DNHD1: variants seen among roughly 807,000 people sequenced by gnomAD.
The protein encoded by DNHD1 is dynein heavy chain domain-containing protein 1.
DNHD1 carries 383 observed loss-of-function variants against 458.1 expected under a neutral mutation model. The ratio of observed to expected loss-of-function variants is 0.84; its 90% CI spans 0.77 to 0.91. The LOEUF (loss-of-function observed/expected upper bound fraction) is 0.91. DNHD1 is among the 40% of genes least tolerant of loss of function. The probability of loss-of-function intolerance (pLI) is 0.00; values close to 1 mark genes in which losing one functional copy is unlikely to be tolerated. For synonymous variants in DNHD1, 2,203 were observed against 2,376.9 expected, an observed-to-expected ratio of 0.93 and a Z score of 2.13; for missense variants, 5,336 against 5,866.1, an observed-to-expected ratio of 0.91 and a Z score of 2.95.
intron 7 of DNHD1, among the ~76,000 whole-genome samples, chr11:6,514,670 AGATT>A (rs1198976416): frequency 6.6e-6 from 1 of 152,082 alleles, no homozygotes; most frequent in Non-Finnish European, 1.5e-5. Flanking sequence ...CCCTTTATAT[AGATT>A]GTTATTTTTC....
Position 6,567,833 on chromosome 11 carries a change from C to G in DNHD1, c.12324C>G (p.Ile4108Met), listed in dbSNP as rs2134462076. ...PSATLHPLTV[I>M]QKLAAKYQQG... is the part of the protein sequence containing the mutation. ...CCACTCTGCATCCTCTGACTGTCATCCAGAAACTGGCTGCCAAGTATCAGC... is the reference window on the plus strand; with the variant it reads ...CCACTCTGCATCCTCTGACTGTCATGCAGAAACTGGCTGCCAAGTATCAGC... The change falls in exon 36 of 43, where the codon ATC becomes ATG. Residue 4108 changes from isoleucine (I) to methionine (M), a missense_variant. Physicochemically the swap from Ile to Met is conservative, Grantham distance 10 (BLOSUM62 1). Around this residue, in one of 4 missense-constraint regions of DNHD1, gnomAD observed 695 missense variants for 804.2 expected, o/e 0.86. Coordinates refer to ENST00000254579, the MANE Select transcript of DNHD1 (RefSeq NM_144666.3). 1.2e-6 allele frequency: 2 copies of G among 1,612,596 alleles called. No homozygotes were observed. Among genetic ancestry groups the G allele is most frequent in the East Asian group, 4.5e-5 (2 of 44,888 alleles).
intron 4 of DNHD1, among the ~76,000 whole-genome samples, chr11:6,506,527 G>C (rs1204025902): frequency 1.3e-5 from 2 of 152,010 alleles, no homozygotes; most frequent in Admixed American, 1.3e-4. Flanking sequence ...TTCACTTGCT[G>C]TTTCATTATA....
Position 6,546,163 on chromosome 11 carries a change from C to T in DNHD1, c.5224C>T (p.His1742Tyr). 4 of 1,551,056 alleles carry T rather than the reference C, an allele frequency of 2.6e-6. No individual in the cohort carries two copies. Among genetic ancestry groups the T allele is most frequent in the Non-Finnish European group, 3.5e-6 (4 of 1,146,490 alleles). The change falls in exon 21 of 43, where the codon CAT becomes TAT. Residue 1742 changes from histidine to tyrosine, a missense_variant. Physicochemically the swap from His to Tyr is moderately conservative, Grantham distance 83. Transcript: ENST00000254579. ...GGAWLLLEKVHQLPPGLLSAL... is the reference protein window; with the variant it reads ...GGAWLLLEKVYQLPPGLLSAL... ...TGCCTGGCTGCTGTTGGAGAAAGTTCATCAGCTGCCCCCTGGCTTGCTCTC... is the reference window on the plus strand; with the variant it reads ...TGCCTGGCTGCTGTTGGAGAAAGTTTATCAGCTGCCCCCTGGCTTGCTCTC...
Position 6,556,796 on chromosome 11 carries a change from C to CT in DNHD1, c.7503dup (p.Ala2502CysfsTer10). 1 of 1,551,676 alleles carries CT rather than the reference C, an allele frequency of 6.4e-7. No homozygotes were observed. The highest frequency in any genetic ancestry group is 8.7e-7 in the Non-Finnish European group (1 of 1,146,946). On this transcript the variant is annotated frameshift_variant, in exon 25 of 43. Transcript: ENST00000254579. LOFTEE classifies it high-confidence loss of function. ...GACGCTGCAGCCTACAGTCAACTTC[C>CT]TTGCCACTGTCACAGTGCCAGGATA...
At chr11:6,530,509 C>A (rs1427183546) in intron 12 of DNHD1, among the ~76,000 whole-genome samples, 1 of 152,230 alleles carries the variant, frequency 6.6e-6, no homozygotes, top group African/African-American at 2.4e-5. Context: ...TCTTTCCTCA[C>A]CTAGCCTCAA....
intron 7 of DNHD1, among the ~76,000 whole-genome samples, chr11:6,516,877 A>G (rs1386813151): frequency 6.6e-6 from 1 of 151,994 alleles, no homozygotes; most frequent in African/African-American, 2.4e-5. Context: ...TATTCTTCCC[A>G]TTACTCTTAT....
rs748973316 is a variant in DNHD1, at chr11:6,570,869, C to T, written c.13357C>T (p.Leu4453=). The T allele has an allele frequency of 6.2e-7, 1 of 1,613,934 alleles. No individual in the cohort carries two copies. The highest frequency in any genetic ancestry group is 8.5e-7 in the Non-Finnish European group (1 of 1,179,900). Reference sequence around the variant, plus strand: ...GCAAGTCAACCGGAGGCTGGAGTCACTGCAGGATCTGCTGACCCACGTGAT... The same window carrying T: ...GCAAGTCAACCGGAGGCTGGAGTCATTGCAGGATCTGCTGACCCACGTGAT... ...LVQVNRRLES[L]QDLLTHVIRQ... is the part of the protein sequence containing the mutation. Residue 4453 remains leucine (L), a synonymous_variant, in exon 42 of 43, where the codon CTG becomes TTG. Coordinates refer to ENST00000254579, the MANE Select transcript of DNHD1 (RefSeq NM_144666.3).
Position 6,552,251 on chromosome 11 carries a change from T to A in DNHD1, c.7387+3318T>A, listed in dbSNP as rs540531118. The stretch of plus-strand genomic sequence containing the variant: ...AAAGAAAAGAGGGTTAGGCCAGGCA[T>A]GGTGGCTCACGCCTGTAATCCCAGC... On this transcript the variant is annotated intron_variant, in intron 24 of 42. Transcript: ENST00000254579. Among the ~76,000 whole-genome samples the A allele has an allele frequency of 8.3e-4, 126 of 151,312 alleles. 10 individuals carry two copies. Among genetic ancestry groups the A allele is most frequent in the African/African-American group, 3.0e-3 (124 of 41,032 alleles).
intron 4 of DNHD1, among the ~76,000 whole-genome samples, chr11:6,506,459 A>T (rs1219480425): frequency 6.6e-6 from 1 of 152,156 alleles, no homozygotes; most frequent in Non-Finnish European, 1.5e-5. Context: ...TAGTTTTTCT[A>T]GTTGTTATCA....
At position 6,544,717 on chromosome 11, in the gene DNHD1, T is replaced by C. The variant is rs1285668299; in HGVS notation, c.3852+46T>C. On this transcript the variant is annotated intron_variant, in intron 20 of 42. Coordinates refer to ENST00000254579, the MANE Select transcript of DNHD1 (RefSeq NM_144666.3). Reference sequence around the variant, plus strand: ...AGAGAGGGCAAGAAGGGTTCCTGAATAGCAGGGCTCAGCGTGGGAAAGGGG... The same window carrying C: ...AGAGAGGGCAAGAAGGGTTCCTGAACAGCAGGGCTCAGCGTGGGAAAGGGG... The C allele has an allele frequency of 3.2e-6, 5 of 1,543,908 alleles. No individual in the cohort carries two copies. The Admixed American group carries it at 5.9e-5, about 18-fold the overall frequency.
At chr11:6,556,609 G>A (rs1853464229) in intron 24 of DNHD1, 74 bp from the exon 25 acceptor site, 24 of 1,387,250 alleles carry the variant, frequency 1.7e-5, no homozygotes, top group Non-Finnish European at 2.2e-5. Context: ...GTGTGTGGCA[G>A]GAATAGAGGG....
rs776778937 is a variant in DNHD1, at chr11:6,566,735, A to G, written c.11355A>G (p.Leu3785=). 1.2e-6 allele frequency: 2 copies of G among 1,611,296 alleles called. No homozygotes were observed. Among genetic ancestry groups the G allele is most frequent in the Non-Finnish European group, 1.7e-6 (2 of 1,178,788 alleles). The stretch of plus-strand genomic sequence containing the variant: ...GGCAGGACCTAAAGATCAGAGCCCT[A>G]GATACCTGCAAGGCTGTGGAGGCTG... ...TRWQDLKIRA[L]DTCKAVEAAE... Residue 3785 remains leucine, a synonymous_variant, in exon 35 of 43, where the codon CTA becomes CTG. Transcript: ENST00000254579.
chr11:6,551,233 T>C (rs1310407974), intron 24 of DNHD1, among the ~76,000 whole-genome samples: 2 of 152,116 alleles, frequency 1.3e-5, no homozygotes, highest in African/African-American at 2.4e-5. Context: ...TTCTAAATAA[T>C]GTACCAAAAA....
intron 7 of DNHD1, among the ~76,000 whole-genome samples, chr11:6,512,321 C>T (rs1045850548): frequency 1.4e-4 from 21 of 145,946 alleles, no homozygotes; most frequent in African/African-American, 3.3e-4. Flanking sequence ...TCCGGGTTCA[C>T]GCCATTCTCC....
rs1853831183 is a variant in DNHD1, at chr11:6,570,885, C to G, written c.13373C>G (p.Thr4458Ser). 2 of 1,613,856 alleles carry G rather than the reference C, an allele frequency of 1.2e-6. No individual in the cohort carries two copies. The highest frequency in any genetic ancestry group is 1.7e-6 in the Non-Finnish European group (2 of 1,179,848). Reference protein sequence around the residue: ...RRLESLQDLLTHVIRQDESDA... With the variant: ...RRLESLQDLLSHVIRQDESDA... ...CTGGAGTCACTGCAGGATCTGCTGA[C>G]CCACGTGATTCGCCAAGACGAGTCC... Residue 4458 changes from threonine (T) to serine (S), a missense_variant, in exon 42 of 43, where the codon ACC becomes AGC. Physicochemically the swap from Thr to Ser is moderately conservative, Grantham distance 58. This residue lies in a region of DNHD1 where 698 missense variants were observed against 664.9 expected (regional missense o/e 1.05). Coordinates refer to ENST00000254579, the MANE Select transcript of DNHD1 (RefSeq NM_144666.3).
rs1479059668 is a variant in DNHD1, at chr11:6,546,500, G to A, written c.5561G>A (p.Arg1854His). 1.1e-5 allele frequency: 17 copies of A among 1,550,666 alleles called. 1 individual carries two copies. The highest frequency in any genetic ancestry group is 8.3e-5 in the South Asian group (7 of 84,066). The change falls in exon 21 of 43, where the codon CGC becomes CAC. Residue 1854 changes from arginine (R) to histidine (H), a missense_variant. Physicochemically the swap from Arg to His is conservative, Grantham distance 29 (BLOSUM62 0). Transcript: ENST00000254579. ...AGGGATGCCTTCCAGATGGCTACCC[G>A]CCTATCCAAATTCTTCTCTCTAGAG... ...GMRDAFQMAT[R>H]LSKFFSLERE...
At position 6,548,484 on chromosome 11, in the gene DNHD1, G is replaced by A; in HGVS notation, c.7098+82G>A. On this transcript the variant is annotated intron_variant, in intron 23 of 42. Transcript: ENST00000254579. The surrounding 1 kb of genome is among the most constrained non-coding windows in gnomAD (Gnocchi z 4.4). Reference sequence around the variant, plus strand: ...TAATCCATGTTCAAAGATCAGCTGAGGCCCACTTGCTCCCTTTCTTTGATA... The same window carrying A: ...TAATCCATGTTCAAAGATCAGCTGAAGCCCACTTGCTCCCTTTCTTTGATA... The A allele has an allele frequency of 6.8e-7, 1 of 1,473,840 alleles. No homozygotes were observed. Among genetic ancestry groups the A allele is most frequent in the Admixed American group, 2.2e-5 (1 of 44,646 alleles). The allele number at this position is 1,473,840 out of a possible 1,614,324, so 91.3% of individuals were successfully genotyped here. A position where few individuals can be genotyped will look rare whatever the true frequency, so the allele number is the denominator to read the frequency against.
At chr11:6,520,440 G>A (rs919052461) in intron 10 of DNHD1, 151 bp downstream of exon 10, 2 of 1,477,896 alleles carry the variant, frequency 1.4e-6, no homozygotes, top group Non-Finnish European at 9.0e-7. Flanking sequence ...CTGCACATAT[G>A]TGTTGTGGGT....
rs764464843 is a variant in DNHD1 at position 6,566,542 on chromosome 11, C to T, written c.11207-45C>T. 4 of 1,604,360 alleles carry T rather than the reference C, an allele frequency of 2.5e-6. 1 individual carries two copies. In the South Asian group the frequency reaches 4.5e-5, roughly 18 times the overall value. On this transcript the variant is annotated intron_variant, in intron 34 of 42. Coordinates refer to ENST00000254579, the MANE Select transcript of DNHD1 (RefSeq NM_144666.3). ...ACTCCCTGTCTACTCTACCCCCTGG[C>T]TCTGCCAAGGGGAAGAGGTTAAGCA...
Sources: allele counts gnomAD v4.1 joint callset (sites outside exome capture counted in the v4.1 genomes callset), GRCh38; gene constraint gnomAD v4.1.1; regional missense constraint gnomAD v4.1.1; non-coding constraint Gnocchi (gnomAD v3.1); transcripts MANE v1.5; gene names NCBI Gene and HGNC (gene_info 2026-07-23, HGNC 2026-07-21).